ALDH4A1: variants seen among roughly 807,000 people sequenced by gnomAD.
ALDH4A1 encodes the protein delta-1-pyrroline-5-carboxylate dehydrogenase, mitochondrial.
A neutral mutation model predicts 70.5 loss-of-function variants in ALDH4A1; 46 were observed. The observed-to-expected ratio is 0.65, with a 90% CI of 0.51 to 0.83. The LOEUF (loss-of-function observed/expected upper bound fraction) is 0.83, where lower values mean the gene tolerates loss of function less well. Among genes scored for constraint, ALDH4A1 ranks in the 40% least tolerant of loss-of-function variants. The pLI is 0.00. For missense variants in ALDH4A1, 749 were observed against 766.5 expected (o/e 0.98, Z 0.27); for synonymous variants, 323 against 324.3 (o/e 1.00, Z 0.04).
chr1:18,877,313 AC>A, intron 10 of ALDH4A1, 58 bp from the exon 11 acceptor site: 1 of 1,565,976 alleles, frequency 6.4e-7, no homozygotes, highest in Non-Finnish European at 8.7e-7. Context: ...ACCAAGGGAG[AC>A]CCCTCCCCGC....
At position 18,890,066 on chromosome 1, in the gene ALDH4A1, G is replaced by T; in HGVS notation, c.102C>A (p.Asn34Lys). ...CCTGCGTGAAGGCTAAGACGGGCTC[G>T]TTGGCCACCTTCAGGGAGGAGGTGT... Reference protein sequence around the residue: ...WKHTSSLKVANEPVLAFTQGS... With the variant: ...WKHTSSLKVAKEPVLAFTQGS... Residue 34 changes from asparagine (N) to lysine (K), a missense_variant, in exon 2 of 15, where the codon AAC becomes AAA. Coordinates refer to ENST00000375341, the MANE Select transcript of ALDH4A1 (RefSeq NM_003748.4). 6.2e-7 allele frequency: 1 copy of T among 1,613,080 alleles called. No homozygotes were observed. The highest frequency in any genetic ancestry group is 8.5e-7 in the Non-Finnish European group (1 of 1,179,770).
intron 1 of ALDH4A1, among the ~76,000 whole-genome samples, chr1:18,897,335 G>C (rs1307357781): frequency 6.6e-6 from 1 of 152,156 alleles, no homozygotes; most frequent in Non-Finnish European, 1.5e-5. Flanking sequence ...TTGAGGTCAG[G>C]AGTTCTAGAC....
Position 18,880,192 on chromosome 1 carries a change from G to A in ALDH4A1, c.867-819C>T, listed in dbSNP as rs559188869. On this transcript the variant is annotated intron_variant, in intron 8 of 14. Transcript: ENST00000375341. This position sits in a 1 kb window ranked among gnomAD's most constrained non-coding sequence, Gnocchi z 5.1. Reference sequence around the variant, plus strand: ...CACCCCCAGCAAAGCTGCGGGGAAGGGGGTGGCAGAGCCTGGGGCCTGGAA... The same window carrying A: ...CACCCCCAGCAAAGCTGCGGGGAAGAGGGTGGCAGAGCCTGGGGCCTGGAA... Among the ~76,000 whole-genome samples, 5 of 152,082 alleles carry A rather than the reference G, an allele frequency of 3.3e-5. No individual in the cohort carries two copies. The highest frequency in any genetic ancestry group is 1.2e-4 in the African/African-American group (5 of 41,416).
Position 18,876,336 on chromosome 1 carries a change from A to G in ALDH4A1, c.1317T>C (p.Pro439=). Residue 439 remains proline, a synonymous_variant, in exon 12 of 15, where the codon CCT becomes CCC. Coordinates refer to ENST00000375341, the MANE Select transcript of ALDH4A1 (RefSeq NM_003748.4). ...VEPCIVESKD[P]QEPIMKEEIF... is the part of the protein sequence containing the mutation. ...TCACCTCCTTCATGATGGGCTCCTGAGGGTCCTTGCTCTCCACGATGCAGG... is the reference window on the plus strand; with the variant it reads ...TCACCTCCTTCATGATGGGCTCCTGGGGGTCCTTGCTCTCCACGATGCAGG... 2 of 1,613,846 alleles carry G rather than the reference A, an allele frequency of 1.2e-6. No individual in the cohort carries two copies. Among genetic ancestry groups the G allele is most frequent in the Non-Finnish European group, 1.7e-6 (2 of 1,179,966 alleles).
intron 3 of ALDH4A1, among the ~76,000 whole-genome samples, chr1:18,886,988 C>T (rs1426901325): frequency 6.6e-6 from 1 of 152,158 alleles, no homozygotes; most frequent in Non-Finnish European, 1.5e-5. Context: ...TATGAGGCTG[C>T]GACTATGGGC....
At chr1:18,876,284 C>T (rs752085968) in intron 12 of ALDH4A1, 31 bp downstream of exon 12, 1 of 1,612,252 alleles carries the variant, frequency 6.2e-7, no homozygotes, top group South Asian at 1.1e-5. Context: ...GATTGTCCTC[C>T]TCTGGACCCC....
At chr1:18,877,079 T>G (rs982938643) in intron 11 of ALDH4A1, 129 bp downstream of exon 11, 4 of 1,195,120 alleles carry the variant, frequency 3.3e-6, no homozygotes, top group Non-Finnish European at 4.8e-6. Flanking sequence ...GTGTGGCTGC[T>G]GAGCTGCCTT....
At chr1:18,901,687 C>T (rs1396816312) in intron 1 of ALDH4A1, among the ~76,000 whole-genome samples, 1 of 152,144 alleles carries the variant, frequency 6.6e-6, no homozygotes, top group African/African-American at 2.4e-5. Flanking sequence ...AATGACCTGC[C>T]TCACAGGAGT....
intron 1 of ALDH4A1, chr1:18,901,009 G>A (rs565776864): frequency 8.8e-5 from 62 of 708,324 alleles, no homozygotes; most frequent in Admixed American, 5.7e-4. Flanking sequence ...CTATTAAGCC[G>A]AAAACTCCTC....
chr1:18,897,692 T>C (rs1472147576), intron 1 of ALDH4A1, among the ~76,000 whole-genome samples: 1 of 152,244 alleles, frequency 6.6e-6, no homozygotes, highest in African/African-American at 2.4e-5. Context: ...AGAGCAGGAT[T>C]TGACCCCAGC....
chr1:18,893,843 A>G (rs986265724), intron 1 of ALDH4A1, among the ~76,000 whole-genome samples: 6 of 152,178 alleles, frequency 3.9e-5, no homozygotes, highest in African/African-American at 1.2e-4. Flanking sequence ...TTGGTAAATG[A>G]CTTAGAAACT....
At chr1:18,874,215 G>T (rs760906038) in intron 14 of ALDH4A1, among the ~76,000 whole-genome samples, 1 of 152,230 alleles carries the variant, frequency 6.6e-6, no homozygotes, top group African/African-American at 2.4e-5. Flanking sequence ...GCGGCTGCTG[G>T]AGCCAAAATT....
Position 18,885,456 on chromosome 1 carries a change from G to GCCCCCCC in ALDH4A1, c.453+16_453+17insGGGGGGG. 1.8e-6 allele frequency: 1 copy of GCCCCCCC among 541,846 alleles called. No homozygotes were observed. The allele number at this position is 541,846 out of a possible 1,614,324, so 33.6% of individuals were successfully genotyped here. On this transcript the variant is annotated intron_variant, in intron 5 of 14. Transcript: ENST00000375341. ...ACCCCACCCCGCCCCACCCACCCGG[G>GCCCCCCC]CCCACCAGCACCTCACCTGTCCCAC...
At chr1:18,892,065 G>C (rs921152699) in intron 1 of ALDH4A1, among the ~76,000 whole-genome samples, 1 of 151,980 alleles carries the variant, frequency 6.6e-6, no homozygotes, top group Non-Finnish European at 1.5e-5. Flanking sequence ...GGCTTATTGT[G>C]TCTCATCTGA....
intron 1 of ALDH4A1, among the ~76,000 whole-genome samples, chr1:18,902,224 G>T (rs1238737727): frequency 6.6e-6 from 1 of 152,274 alleles, no homozygotes; most frequent in East Asian, 1.9e-4. Flanking sequence ...CGCAGGATTC[G>T]GGAAGAGGGG....
intron 14 of ALDH4A1, among the ~76,000 whole-genome samples, chr1:18,873,688 G>T (rs1257681186): frequency 6.6e-6 from 1 of 152,358 alleles, no homozygotes; most frequent in East Asian, 1.9e-4. Flanking sequence ...CGGTGCCCCT[G>T]CCGGGGACCC....
chr1:18,891,637 G>A (rs1935434472), intron 1 of ALDH4A1, among the ~76,000 whole-genome samples: 1 of 152,182 alleles, frequency 6.6e-6, no homozygotes, highest in African/African-American at 2.4e-5. Flanking sequence ...CAGAAAGTGG[G>A]GGTGAGGCTG....
chr1:18,876,564 G>A (rs1448767583), intron 11 of ALDH4A1, 97 bp from the exon 12 acceptor site: 2 of 1,386,826 alleles, frequency 1.4e-6, no homozygotes, highest in African/African-American at 2.9e-5. Context: ...TGCACCTGAA[G>A]GGCCCAACTC....
intron 1 of ALDH4A1, among the ~76,000 whole-genome samples, chr1:18,891,087 G>A (rs1292455456): frequency 6.6e-6 from 1 of 152,194 alleles, no homozygotes; most frequent in Non-Finnish European, 1.5e-5. Flanking sequence ...CACATCTGAG[G>A]GTCACAAGGT....
Sources: allele counts gnomAD v4.1 joint callset (sites outside exome capture counted in the v4.1 genomes callset), GRCh38; gene constraint gnomAD v4.1.1; non-coding constraint Gnocchi (gnomAD v3.1); transcripts MANE v1.5; gene names NCBI Gene and HGNC (gene_info 2026-07-23, HGNC 2026-07-21).